PHF20: variants seen among roughly 807,000 people sequenced by gnomAD.
PHF20 encodes glioma-expressed antigen 2.
PHF20 carries 23 observed loss-of-function variants against 113.5 expected under a neutral mutation model. The observed-to-expected ratio is 0.20, with a 90% confidence interval of 0.15 to 0.29. PHF20 has a LOEUF of 0.29. Ranked by LOEUF, PHF20 falls within the 10% of genes least tolerant of loss-of-function variation. The probability of loss-of-function intolerance (pLI) is 1.00; values close to 1 mark genes in which losing one functional copy is unlikely to be tolerated. For missense variants in PHF20, 943 were observed against 1,219.6 expected (o/e 0.77, Z 3.38); for synonymous variants, 434 against 457.3 (o/e 0.95, Z 0.65).
intron 13 of PHF20, 86 bp downstream of exon 13, chr20:35,917,748 A>G (rs1199160830): frequency 4.3e-6 from 5 of 1,157,530 alleles, no homozygotes; most frequent in Non-Finnish European, 6.2e-6. Context: ...ATGGCAAGTC[A>G]TAGCAGAGCC....
intron 2 of PHF20, among the ~76,000 whole-genome samples, chr20:35,826,085 C>G (rs187258876): frequency 1.3e-5 from 2 of 152,206 alleles, no homozygotes; most frequent in Non-Finnish European, 2.9e-5. Context: ...GCTCTTGTCC[C>G]CCAGGCTGGA....
chr20:35,880,414 T>A (rs1466032881), intron 9 of PHF20, among the ~76,000 whole-genome samples: 11 of 152,108 alleles, frequency 7.2e-5, no homozygotes, highest in Admixed American at 7.2e-4. Context: ...CTTTGAGGAA[T>A]TTACTGAGAA....
intron 1 of PHF20, among the ~76,000 whole-genome samples, chr20:35,791,483 ATCTATCT>A (rs1265004011): frequency 1.4e-5 from 2 of 144,230 alleles, no homozygotes; most frequent in African/African-American, 2.6e-5. Flanking sequence ...CTATCTATCT[ATCTATCT>A]ATCTATCTAT....
At position 35,869,442 on chromosome 20, in the gene PHF20, G is replaced by A. The variant is rs1879543960; in HGVS notation, c.813G>A (p.Val271=). 2 of 1,554,932 alleles carry A rather than the reference G, an allele frequency of 1.3e-6. No individual in the cohort carries two copies. The highest frequency in any genetic ancestry group is 8.8e-7 in the Non-Finnish European group (1 of 1,131,414). ...GRPPSIAPTA[V]DSNSQTLQPI... Reference sequence around the variant, plus strand: ...GTGGTTTTATAAACATGGTAGCTGTGGATTCAAACTCTCAAACTTTGCAAC... The same window carrying A: ...GTGGTTTTATAAACATGGTAGCTGTAGATTCAAACTCTCAAACTTTGCAAC... The change falls in exon 7 of 18, where the codon GTG becomes GTA. Residue 271 remains valine (V), a synonymous_variant. Coordinates refer to ENST00000374012, the MANE Select transcript of PHF20 (RefSeq NM_016436.5).
At chr20:35,871,891 C>CA in intron 9 of PHF20, 62 bp downstream of exon 9, 2 of 1,153,492 alleles carry the variant, frequency 1.7e-6, no homozygotes, top group Non-Finnish European at 2.4e-6. Context: ...GCTTTGTGAA[C>CA]TAAAAAAAAA....
At chr20:35,940,617 G>A (rs2055959059) in intron 16 of PHF20, among the ~76,000 whole-genome samples, 1 of 152,186 alleles carries the variant, frequency 6.6e-6, no homozygotes, top group Non-Finnish European at 1.5e-5. Context: ...CTTTAGGCTA[G>A]GACATTGGCC....
chr20:35,888,894 T>C (rs993828179), intron 9 of PHF20, among the ~76,000 whole-genome samples: 1 of 152,132 alleles, frequency 6.6e-6, no homozygotes, highest in Non-Finnish European at 1.5e-5. Context: ...TGCTGCCATG[T>C]ATGTTCTAAA....
At chr20:35,795,865 T>C (rs1047441079) in intron 1 of PHF20, among the ~76,000 whole-genome samples, 1 of 152,186 alleles carries the variant, frequency 6.6e-6, no homozygotes, top group African/African-American at 2.4e-5. Flanking sequence ...TATAAATTTT[T>C]TTTTTGAGAC....
intron 17 of PHF20, among the ~76,000 whole-genome samples, chr20:35,941,608 C>T (rs561367258): frequency 3.9e-5 from 6 of 152,274 alleles, no homozygotes; most frequent in Admixed American, 3.3e-4. Flanking sequence ...AGTTCAGTCT[C>T]TCTCCAGGAA....
At chr20:35,879,783 CAAAAA>C (rs58553871) in intron 9 of PHF20, among the ~76,000 whole-genome samples, 1 of 108,238 alleles carries the variant, frequency 9.2e-6, no homozygotes, top group Admixed American at 9.8e-5. Context: ...CCCATCTCTC[CAAAAA>C]AAAAAAAAAA....
intron 14 of PHF20, 29 bp from the exon 15 acceptor site, chr20:35,931,219 GT>G: frequency 6.4e-7 from 1 of 1,565,084 alleles, no homozygotes. Context: ...TTCAGGCCTT[GT>G]TTTAACCCTC....
intron 3 of PHF20, among the ~76,000 whole-genome samples, chr20:35,844,565 AC>A (rs2042589920): frequency 6.7e-6 from 1 of 148,338 alleles, no homozygotes; most frequent in African/African-American, 2.6e-5. Flanking sequence ...ACACACACAC[AC>A]ACACACACAC....
At chr20:35,846,241 G>A (rs542112398) in intron 3 of PHF20, among the ~76,000 whole-genome samples, 6 of 150,880 alleles carry the variant, frequency 4.0e-5, no homozygotes, top group South Asian at 4.2e-4. Flanking sequence ...GTGCAATGGC[G>A]CAATCTCGGC....
chr20:35,774,084 C>A (rs1450957169), intron 1 of PHF20, among the ~76,000 whole-genome samples: 3 of 149,186 alleles, frequency 2.0e-5, no homozygotes, highest in African/African-American at 7.5e-5. Context: ...TCTTGTCAAT[C>A]TTCTTTTTTT....
intron 2 of PHF20, among the ~76,000 whole-genome samples, chr20:35,807,933 A>G (rs1030434657): frequency 6.6e-6 from 1 of 152,194 alleles, no homozygotes; most frequent in Non-Finnish European, 1.5e-5. Context: ...ATAAAATGAT[A>G]CATTGTGATT....
At chr20:35,776,782 A>G (rs905939596) in intron 1 of PHF20, among the ~76,000 whole-genome samples, 5 of 152,042 alleles carry the variant, frequency 3.3e-5, no homozygotes, top group African/African-American at 1.2e-4. Context: ...TAGCTCTTCC[A>G]TTTACTGTGA....
chr20:35,903,077 C>CCTTTCTT (rs1555799692), intron 10 of PHF20, among the ~76,000 whole-genome samples: 53 of 59,998 alleles, frequency 8.8e-4, no homozygotes, highest in Admixed American at 1.6e-3. Context: ...CCTATCCTTT[C>CCTTTCTT]TTTTTTTTTT....
At chr20:35,906,534 C>T (rs1039871347) in intron 10 of PHF20, among the ~76,000 whole-genome samples, 1 of 142,700 alleles carries the variant, frequency 7.0e-6, no homozygotes, top group Admixed American at 6.9e-5. Context: ...GCTTTCTCCC[C>T]GTTGTTCCAC....
intron 2 of PHF20, among the ~76,000 whole-genome samples, chr20:35,834,452 T>C (rs1325636215): frequency 1.3e-5 from 2 of 152,000 alleles, no homozygotes; most frequent in Non-Finnish European, 2.9e-5. Context: ...GGTTTCTCCA[T>C]GTTGGTCAGA....
Sources: gnomAD v4.1 joint callset for allele counts (sites outside exome capture counted in the v4.1 genomes callset) on GRCh38, gnomAD v4.1.1 for gene constraint, MANE v1.5 for transcripts, NCBI Gene and HGNC (gene_info 2026-07-23, HGNC 2026-07-21) for gene names.